JMJD1C: variants seen among roughly 807,000 people sequenced by gnomAD.
JMJD1C encodes the protein jumonji domain-containing protein 1C.
In JMJD1C, 31 loss-of-function variants were observed where a neutral mutation model predicts 245.3. The observed-to-expected ratio is 0.13, with a 90% CI of 0.09 to 0.17. The LOEUF (loss-of-function observed/expected upper bound fraction) is 0.17. JMJD1C is among the 10% of genes least tolerant of loss of function. JMJD1C has a pLI of 1.00. For missense variants in JMJD1C, 2,691 were observed against 3,000.2 expected, an observed-to-expected ratio of 0.90 and a Z score of 2.41; for synonymous variants, 1,057 against 1,017.4, an observed-to-expected ratio of 1.04 and a Z score of -0.74.
chr10:63,205,851 T>G (rs543817019), intron 10 of JMJD1C, among the ~76,000 whole-genome samples: 103 of 152,004 alleles, frequency 6.8e-4, no homozygotes, highest in Non-Finnish European at 1.3e-3. Flanking sequence ...TGAGACATGG[T>G]CTTGCTCTGT....
At chr10:63,233,464 A>T (rs559128327) in intron 3 of JMJD1C, among the ~76,000 whole-genome samples, 1 of 152,132 alleles carries the variant, frequency 6.6e-6, no homozygotes, top group Non-Finnish European at 1.5e-5. Flanking sequence ...AATTATAATC[A>T]CATTAAAACA....
At chr10:63,236,038 C>T (rs1435205495) in intron 3 of JMJD1C, among the ~76,000 whole-genome samples, 2 of 151,994 alleles carry the variant, frequency 1.3e-5, no homozygotes, top group African/African-American at 2.4e-5. Flanking sequence ...TATGAAAATC[C>T]TCAAGAGTAA....
chr10:63,233,694 TTATA>T (rs757725047), intron 3 of JMJD1C, among the ~76,000 whole-genome samples: 1 of 150,530 alleles, frequency 6.6e-6, no homozygotes, highest in Non-Finnish European at 1.5e-5. Context: ...TAGAAAGATT[TTATA>T]TATATATGTA....
intron 2 of JMJD1C, among the ~76,000 whole-genome samples, chr10:63,325,288 A>G (rs10761742): frequency 0.43 from 64,728 of 152,056 alleles, 14,417 homozygotes; most frequent in South Asian, 0.53. Context: ...CAGGGGAATA[A>G]TAAGCCCAAG....
chr10:63,342,357 A>C (rs1262309227), intron 2 of JMJD1C, among the ~76,000 whole-genome samples: 1 of 152,250 alleles, frequency 6.6e-6, no homozygotes, highest in Non-Finnish European at 1.5e-5. Flanking sequence ...AAATCATGTC[A>C]GTTTATAAAA....
intron 2 of JMJD1C, chr10:63,358,783 G>C (rs1456765091): frequency 6.5e-6 from 1 of 153,036 alleles, no homozygotes; most frequent in Non-Finnish European, 1.5e-5. Flanking sequence ...GGCTGTTAAA[G>C]GCAGTCTGGA....
intron 9 of JMJD1C, 44 bp from the exon 10 acceptor site, chr10:63,208,845 G>A (rs753871756): frequency 8.2e-6 from 12 of 1,458,428 alleles, no homozygotes; most frequent in South Asian, 8.2e-5. Flanking sequence ...ACTTTTTCCT[G>A]CAAAATACAA....
rs139095650 is a variant in JMJD1C, at chr10:63,286,831, G to A, written c.334-22067C>T. 4.6e-5 allele frequency among the ~76,000 whole-genome samples: 7 copies of A among 152,214 alleles called. No homozygotes were observed. The East Asian group carries it at 1.2e-3, about 25-fold the overall frequency. Reference sequence around the variant, plus strand: ...TCCCCAGAATACACAGAAACAGAACGTAAGTAAAAATAGTAAACAGAATAA... The same window carrying A: ...TCCCCAGAATACACAGAAACAGAACATAAGTAAAAATAGTAAACAGAATAA... On this transcript the variant is annotated intron_variant, in intron 2 of 25. Coordinates refer to ENST00000399262, the MANE Select transcript of JMJD1C (RefSeq NM_032776.3).
intron 8 of JMJD1C, 41 bp from the exon 9 acceptor site, chr10:63,209,276 T>C (rs750416264): frequency 5.2e-6 from 8 of 1,548,780 alleles, no homozygotes; most frequent in Non-Finnish European, 7.0e-6. Flanking sequence ...TAGATTTCAG[T>C]TACTAGAAAA....
At chr10:63,241,403 T>G (rs961180494) in intron 3 of JMJD1C, among the ~76,000 whole-genome samples, 3 of 152,184 alleles carry the variant, frequency 2.0e-5, no homozygotes, top group Non-Finnish European at 4.4e-5. Flanking sequence ...AGCTGCATGC[T>G]ACATGGAAGC....
chr10:63,195,247 G>A (rs1287045060), intron 13 of JMJD1C, among the ~76,000 whole-genome samples: 1 of 151,934 alleles, frequency 6.6e-6, no homozygotes, highest in Non-Finnish European at 1.5e-5. Flanking sequence ...CAGCTACTTG[G>A]GAGGCTGAGG....
chr10:63,374,053 C>T (rs1027348116), intron 2 of JMJD1C, among the ~76,000 whole-genome samples: 2 of 152,104 alleles, frequency 1.3e-5, no homozygotes, highest in Admixed American at 6.5e-5. Flanking sequence ...GAATTAATGA[C>T]AATATCCCAT....
intron 1 of JMJD1C, chr10:63,521,706 C>A: frequency 1.8e-6 from 1 of 560,194 alleles, no homozygotes; most frequent in South Asian, 6.1e-5. Context: ...TCGGGCCTGC[C>A]GAGGGTCTGG....
At chr10:63,202,115 G>A (rs1393120453) in intron 10 of JMJD1C, among the ~76,000 whole-genome samples, 1 of 149,876 alleles carries the variant, frequency 6.7e-6, no homozygotes, top group African/African-American at 2.5e-5. Flanking sequence ...TTAGCCAGGC[G>A]CGGTAGCACG....
At chr10:63,503,622 C>T (rs766706395) in intron 1 of JMJD1C, among the ~76,000 whole-genome samples, 1 of 152,206 alleles carries the variant, frequency 6.6e-6, no homozygotes, top group African/African-American at 2.4e-5. Context: ...GCTTTTTATT[C>T]CTACGGGCAA....
At position 63,465,955 on chromosome 10, in the gene JMJD1C, G is replaced by T. The variant is rs575239539; in HGVS notation, c.-293C>A. ...AAGACCCCGAGGCAGCCCAGCCGCC[G>T]CCACCGCGCCGCGGCCAGTACTGCT... On this transcript the variant is annotated 5_prime_UTR_variant, in exon 1 of 26. Transcript: ENST00000399262. 19 of 520,264 alleles carry T rather than the reference G, an allele frequency of 3.7e-5. No homozygotes were observed. The highest frequency in any genetic ancestry group is 3.3e-4 in the African/African-American group (17 of 52,036). 32.2% of individuals were successfully genotyped at this position (520,264 alleles called of 1,614,324 possible).
chr10:63,308,580 G>A (rs867691266), intron 2 of JMJD1C, among the ~76,000 whole-genome samples: 2 of 148,402 alleles, frequency 1.3e-5, no homozygotes, highest in Admixed American at 6.7e-5. Flanking sequence ...GAGTTATTTC[G>A]TCTAAGAAAC....
chr10:63,370,663 A>AT (rs1374969018), intron 2 of JMJD1C, among the ~76,000 whole-genome samples: 7 of 152,214 alleles, frequency 4.6e-5, no homozygotes, highest in African/African-American at 1.7e-4. Context: ...AATCTTCATT[A>AT]TATTTTACTT....
intron 2 of JMJD1C, among the ~76,000 whole-genome samples, chr10:63,327,832 C>G (rs1032865238): frequency 1.4e-4 from 21 of 152,020 alleles, no homozygotes; most frequent in African/African-American, 5.1e-4. Context: ...CCACGCCCAG[C>G]TAATTTTGTA....
Sources: allele counts gnomAD v4.1 joint callset (sites outside exome capture counted in the v4.1 genomes callset), GRCh38; gene constraint gnomAD v4.1.1; transcripts MANE v1.5; gene names NCBI Gene and HGNC (gene_info 2026-07-23, HGNC 2026-07-21).